TMEM108: variants seen among roughly 807,000 people sequenced by gnomAD.
The protein encoded by TMEM108 is cancer/testis antigen 124.
TMEM108 carries 12 observed loss-of-function variants against 35.1 expected under a neutral mutation model. That is an observed-to-expected ratio of 0.34 (90% CI 0.22 to 0.55). TMEM108 has a LOEUF of 0.55. Among genes scored for constraint, TMEM108 ranks in the 20% least tolerant of loss-of-function variants. The pLI is 0.89. For missense variants in TMEM108, 680 were observed against 753.3 expected (o/e 0.90, Z 1.14); for synonymous variants, 287 against 308.6 (o/e 0.93, Z 0.73).
intron 3 of TMEM108, among the ~76,000 whole-genome samples, chr3:133,280,454 TC>T (rs1946897317): frequency 6.6e-6 from 1 of 152,202 alleles, no homozygotes; most frequent in Non-Finnish European, 1.5e-5. Flanking sequence ...AATCAAATGT[TC>T]ATCAGTTTTT....
intron 2 of TMEM108, among the ~76,000 whole-genome samples, chr3:133,079,803 A>G (rs182522723): frequency 2.0e-5 from 3 of 152,176 alleles, no homozygotes; most frequent in Non-Finnish European, 2.9e-5. Flanking sequence ...AGCGAGGAAT[A>G]AGGGTGTGTC....
At chr3:133,175,770 A>G (rs1398513498) in intron 2 of TMEM108, among the ~76,000 whole-genome samples, 1 of 152,254 alleles carries the variant, frequency 6.6e-6, no homozygotes, top group Non-Finnish European at 1.5e-5. Flanking sequence ...TCAACTAACG[A>G]GCAAAATAAC....
At chr3:133,129,859 C>A (rs531264737) in intron 2 of TMEM108, among the ~76,000 whole-genome samples, 1 of 149,076 alleles carries the variant, frequency 6.7e-6, no homozygotes, top group South Asian at 2.2e-4. Flanking sequence ...AATCTGATTA[C>A]TTTCTAAATG....
intron 2 of TMEM108, among the ~76,000 whole-genome samples, chr3:133,224,871 G>A (rs1024920971): frequency 2.0e-5 from 3 of 152,210 alleles, no homozygotes; most frequent in Non-Finnish European, 4.4e-5. Flanking sequence ...GGCATCTCCT[G>A]TGGGGAATTT....
intron 3 of TMEM108, among the ~76,000 whole-genome samples, chr3:133,288,884 T>C (rs1947022873): frequency 6.6e-6 from 1 of 152,046 alleles, no homozygotes; most frequent in South Asian, 2.1e-4. Flanking sequence ...TACGGGTGTG[T>C]GCCACCACAC....
chr3:133,125,906 CTG>C (rs529958593), intron 2 of TMEM108, among the ~76,000 whole-genome samples: 61 of 152,278 alleles, frequency 4.0e-4, no homozygotes, highest in Middle Eastern at 3.4e-3. Context: ...ATTATAGTCA[CTG>C]TTTTATTTCA....
At chr3:133,164,088 A>G (rs1395718338) in intron 2 of TMEM108, among the ~76,000 whole-genome samples, 1 of 152,220 alleles carries the variant, frequency 6.6e-6, no homozygotes, top group African/African-American at 2.4e-5. Flanking sequence ...TCTCTTTGTA[A>G]GCAGTAGAAT....
chr3:133,200,063 A>T (rs1945639190), intron 2 of TMEM108, among the ~76,000 whole-genome samples: 1 of 152,204 alleles, frequency 6.6e-6, no homozygotes, highest in African/African-American at 2.4e-5. Flanking sequence ...GGACCCTCCA[A>T]GCCAGGCACG....
At chr3:133,188,104 G>A (rs1945447860) in intron 2 of TMEM108, among the ~76,000 whole-genome samples, 2 of 152,052 alleles carry the variant, frequency 1.3e-5, no homozygotes, top group Admixed American at 1.3e-4. Context: ...TTGACACTGA[G>A]GAATGTTATT....
At chr3:133,222,547 A>G (rs192111657) in intron 2 of TMEM108, among the ~76,000 whole-genome samples, 2 of 152,010 alleles carry the variant, frequency 1.3e-5, no homozygotes, top group Non-Finnish European at 1.5e-5. Flanking sequence ...CACTAATCCC[A>G]TAAGCTCTCT....
intron 3 of TMEM108, among the ~76,000 whole-genome samples, chr3:133,268,264 A>G (rs77617207): frequency 0.016 from 2,381 of 152,358 alleles, 27 homozygotes; most frequent in Non-Finnish European, 0.022. Context: ...ACAGAAATCC[A>G]GCAAGATCAT....
chr3:133,083,989 A>G (rs1943847993), intron 2 of TMEM108, among the ~76,000 whole-genome samples: 1 of 152,152 alleles, frequency 6.6e-6, no homozygotes, highest in South Asian at 2.1e-4. Flanking sequence ...ATCTCTTGAC[A>G]CGGTTATAGG....
At chr3:133,207,531 T>A (rs568106707) in intron 2 of TMEM108, among the ~76,000 whole-genome samples, 10 of 152,092 alleles carry the variant, frequency 6.6e-5, no homozygotes, top group African/African-American at 2.2e-4. Context: ...CATCGTAAAG[T>A]TTTTTAGGTT....
chr3:133,275,838 G>C (rs879135327), intron 3 of TMEM108, among the ~76,000 whole-genome samples: 1 of 152,136 alleles, frequency 6.6e-6, no homozygotes, highest in Non-Finnish European at 1.5e-5. Context: ...TTTTTCAGAG[G>C]ATTTGCCTTT....
intron 2 of TMEM108, among the ~76,000 whole-genome samples, chr3:133,049,451 A>G (rs1307712710): frequency 6.6e-6 from 1 of 152,032 alleles, no homozygotes; most frequent in East Asian, 1.9e-4. Flanking sequence ...GCCTGTGAAG[A>G]CCCCTGTTTG....
At chr3:133,139,578 G>A (rs1249218740) in intron 2 of TMEM108, among the ~76,000 whole-genome samples, 1 of 152,190 alleles carries the variant, frequency 6.6e-6, no homozygotes, top group African/African-American at 2.4e-5. Flanking sequence ...CAAAGGATAG[G>A]TAGTTCTCTA....
chr3:133,152,491 C>T (rs1025733274), intron 2 of TMEM108, among the ~76,000 whole-genome samples: 4 of 152,024 alleles, frequency 2.6e-5, no homozygotes, highest in African/African-American at 4.8e-5. Flanking sequence ...ACAGGAAATC[C>T]GTCTTTATAG....
chr3:133,052,998 G>A lies in TMEM108; in HGVS notation c.-47+6978G>A, dbSNP rs1231820240. ...GGGAGGAGTAATTAGAGTCAGGGAA[G>A]ATGCAGGTGCTCTGAGTGTCTGGTT... On this transcript the variant is annotated intron_variant, in intron 2 of 5. Coordinates refer to ENST00000321871, the MANE Select transcript of TMEM108 (RefSeq NM_023943.4). Among the ~76,000 whole-genome samples, 6 of 152,126 alleles carry A rather than the reference G, an allele frequency of 3.9e-5. No homozygotes were observed. In the East Asian group the frequency reaches 1.2e-3, roughly 29 times the overall value.
chr3:133,273,162 A>G (rs917017405), intron 3 of TMEM108, among the ~76,000 whole-genome samples: 1 of 152,236 alleles, frequency 6.6e-6, no homozygotes, highest in Non-Finnish European at 1.5e-5. Context: ...TAGTGGGTTA[A>G]TGAGCCCCTT....
Sources: gnomAD v4.1 joint callset for allele counts (sites outside exome capture counted in the v4.1 genomes callset) on GRCh38, gnomAD v4.1.1 for gene constraint, MANE v1.5 for transcripts, NCBI Gene and HGNC (gene_info 2026-07-23, HGNC 2026-07-21) for gene names.